MRPL47: variants seen among roughly 807,000 people sequenced by gnomAD.
MRPL47 encodes the protein mitochondrial ribosomal protein L47.
MRPL47 carries 31 observed loss-of-function variants against 34.0 expected under a neutral mutation model. That is an observed-to-expected ratio of 0.91 (90% CI 0.68 to 1.23). MRPL47 has a LOEUF of 1.23. Ranked by LOEUF, MRPL47 falls within the 50% of genes most tolerant of loss-of-function variation. The probability of loss-of-function intolerance (pLI) is 0.00; values close to 1 mark genes in which losing one functional copy is unlikely to be tolerated. For missense variants in MRPL47, 328 were observed against 285.8 expected (o/e 1.15, Z -1.07); for synonymous variants, 106 against 101.6 (o/e 1.04, Z -0.26).
Position 179,588,995 on chromosome 3 carries a change from T to C in MRPL47, c.630A>G (p.Arg210=), listed in dbSNP as rs924578229. Reference sequence around the variant, plus strand: ...TGCGGGCTCGTTTCTCACGTTCCAGTCTAGAATAAAAAAAGCGTAACAGCA... The same window carrying C: ...TGCGGGCTCGTTTCTCACGTTCCAGCCTAGAATAAAAAAAGCGTAACAGCA... The part of the protein sequence containing the change: ...FALPYVDHFL[R]LEREKRARIK... The change falls in exon 7 of 7, where the codon AGA becomes AGG. Residue 210 remains arginine, a splice_region_variant and synonymous_variant. Transcript: ENST00000476781. 1.3e-6 allele frequency: 2 copies of C among 1,597,672 alleles called. No individual in the cohort carries two copies. Among genetic ancestry groups the C allele is most frequent in the East Asian group, 4.5e-5 (2 of 44,776 alleles).
At chr3:179,596,926 T>C (rs148817663) in intron 4 of MRPL47, among the ~76,000 whole-genome samples, 179 of 152,356 alleles carry the variant, frequency 1.2e-3, no homozygotes, top group Admixed American at 3.6e-3. Flanking sequence ...CAGAACTGTA[T>C]CAATGTTAAT....
intron 1 of MRPL47, among the ~76,000 whole-genome samples, chr3:179,603,024 G>A (rs924010869): frequency 5.9e-5 from 9 of 151,506 alleles, no homozygotes; most frequent in African/African-American, 2.2e-4. Flanking sequence ...CTCCCACCTT[G>A]GCCTCCCAAA....
chr3:179,595,891 C>T (rs1180683871), intron 4 of MRPL47, among the ~76,000 whole-genome samples: 3 of 152,184 alleles, frequency 2.0e-5, no homozygotes, highest in African/African-American at 7.2e-5. Flanking sequence ...ATACACTTCT[C>T]TTTACAGCCA....
chr3:179,593,976 G>A, intron 4 of MRPL47, 81 bp from the exon 5 acceptor site: 1 of 1,304,034 alleles, frequency 7.7e-7, no homozygotes, highest in Non-Finnish European at 1.1e-6. Flanking sequence ...AAACACTTCT[G>A]CTACAGAAAA....
chr3:179,603,740 G>A (rs1032794399), intron 1 of MRPL47, among the ~76,000 whole-genome samples: 1 of 152,010 alleles, frequency 6.6e-6, no homozygotes, highest in South Asian at 2.1e-4. Context: ...AGCTAAGAAT[G>A]GTTTAAAAAT....
chr3:179,598,885 G>A (rs1560019649), intron 3 of MRPL47, 114 bp from the exon 4 acceptor site: 2 of 711,078 alleles, frequency 2.8e-6, no homozygotes, highest in East Asian at 3.1e-5. Flanking sequence ...GAGGCGAGGT[G>A]CTGTGGCTCA....
At chr3:179,600,175 G>A (rs1718894140) in intron 3 of MRPL47, among the ~76,000 whole-genome samples, 1 of 151,360 alleles carries the variant, frequency 6.6e-6, no homozygotes, top group Non-Finnish European at 1.5e-5. Context: ...TTGCAGCCAT[G>A]ATGAATGTTG....
intron 5 of MRPL47, 87 bp downstream of exon 5, chr3:179,593,678 A>G: frequency 7.6e-7 from 1 of 1,316,972 alleles, no homozygotes; most frequent in Non-Finnish European, 1.0e-6. Flanking sequence ...CATATGGTAC[A>G]AATTTTTTTT....
At chr3:179,596,023 G>A (rs1381422086) in intron 4 of MRPL47, among the ~76,000 whole-genome samples, 5 of 152,012 alleles carry the variant, frequency 3.3e-5, no homozygotes, top group African/African-American at 9.7e-5. Flanking sequence ...AAACACAAGG[G>A]GACTAACATG....
At chr3:179,604,237 A>G (rs1158326823) in intron 1 of MRPL47, among the ~76,000 whole-genome samples, 1 of 152,206 alleles carries the variant, frequency 6.6e-6, no homozygotes, top group African/African-American at 2.4e-5. Context: ...CACCCAGCCC[A>G]AGAGGATGCT....
At position 179,588,680 on chromosome 3, in the gene MRPL47, T is replaced by C; in HGVS notation, c.*192A>G. ...AAGTGGGAATCTCATCTGAACTTTA[T>C]ACCTGATTTTTAGAAGCAAATTAGC... On this transcript the variant is annotated 3_prime_UTR_variant, in exon 7 of 7. Coordinates refer to ENST00000476781, the MANE Select transcript of MRPL47 (RefSeq NM_020409.3). 2.2e-6 allele frequency: 1 copy of C among 451,484 alleles called. No individual in the cohort carries two copies. Among genetic ancestry groups the C allele is most frequent in the South Asian group, 4.0e-5 (1 of 25,280 alleles). 28.0% of individuals were successfully genotyped at this position (451,484 alleles called of 1,614,324 possible). A position where few individuals can be genotyped will look rare whatever the true frequency, so the allele number is the denominator to read the frequency against.
intron 2 of MRPL47, among the ~76,000 whole-genome samples, chr3:179,602,152 C>T (rs1345694012): frequency 2.0e-5 from 3 of 152,160 alleles, no homozygotes; most frequent in South Asian, 2.1e-4. Context: ...CAAGACCAGC[C>T]TAACCAAGAT....
At position 179,604,615 on chromosome 3, in the gene MRPL47, C is replaced by A. The variant is rs1301257965; in HGVS notation, c.10G>T (p.Ala4Ser). ...CTCCTACAAAGAAGGGCCAAACCGGCCGCAGCCATGTTTTCGCATAACTGG... is the reference window on the plus strand; with the variant it reads ...CTCCTACAAAGAAGGGCCAAACCGGACGCAGCCATGTTTTCGCATAACTGG... MAAAGLALLCRRVS... is the reference protein window; with the variant it reads MAASGLALLCRRVS... Residue 4 changes from alanine (A) to serine (S), a missense_variant, in exon 1 of 7, where the codon GCC (alanine) becomes TCC (serine). By Grantham distance (99) the Ala-to-Ser change is moderately conservative (BLOSUM62 1). Coordinates refer to ENST00000476781, the MANE Select transcript of MRPL47 (RefSeq NM_020409.3). 2.5e-6 allele frequency: 4 copies of A among 1,614,102 alleles called. No homozygotes were observed. Among genetic ancestry groups the A allele is most frequent in the Admixed American group, 3.3e-5 (2 of 59,996 alleles).
intron 4 of MRPL47, among the ~76,000 whole-genome samples, 166 bp downstream of exon 4, chr3:179,598,509 G>T (rs117147314): frequency 6.6e-6 from 1 of 151,364 alleles, no homozygotes; most frequent in Non-Finnish European, 1.5e-5. Context: ...TTTTAGGGGC[G>T]ATGGAAATGT....
intron 1 of MRPL47, among the ~76,000 whole-genome samples, chr3:179,603,198 T>C (rs994494468): frequency 6.6e-6 from 1 of 152,214 alleles, no homozygotes; most frequent in Non-Finnish European, 1.5e-5. Flanking sequence ...GGGTCCTTCT[T>C]ACATTGCTAA....
At chr3:179,601,637 C>T (rs542299545) in intron 3 of MRPL47, 93 bp downstream of exon 3, 15 of 774,498 alleles carry the variant, frequency 1.9e-5, no homozygotes, top group South Asian at 9.6e-5. Context: ...AATCGCTTTA[C>T]TCAATTTCTT....
In MRPL47 at chr3:179,602,751, A is replaced by G; in HGVS notation, c.145T>C (p.Phe49Leu). 6.2e-7 allele frequency: 1 copy of G among 1,612,174 alleles called. No homozygotes were observed. Among genetic ancestry groups the G allele is most frequent in the South Asian group, 1.1e-5 (1 of 90,608 alleles). Residue 49 changes from phenylalanine to leucine, a missense_variant, in exon 2 of 7, where the codon TTT (phenylalanine) becomes CTT (leucine). By Grantham distance (22) the Phe-to-Leu change is conservative. Coordinates refer to ENST00000476781, the MANE Select transcript of MRPL47 (RefSeq NM_020409.3). Reference protein sequence around the residue: ...LPKSTPNVTSFHQYRLLHTTL... With the variant: ...LPKSTPNVTSLHQYRLLHTTL... ...GTATGAAGTAATCTATATTGGTGAA[A>G]GGATGTCACATTTGGTGTACTCTTA...
At chr3:179,594,078 C>T (rs1335213915) in intron 4 of MRPL47, among the ~76,000 whole-genome samples, 183 bp from the exon 5 acceptor site, 4 of 152,128 alleles carry the variant, frequency 2.6e-5, no homozygotes, top group Non-Finnish European at 5.9e-5. Context: ...TCTAGATTAC[C>T]ACTTTCTGTA....
At chr3:179,601,194 T>C (rs11919601) in intron 3 of MRPL47, among the ~76,000 whole-genome samples, 12,776 of 152,174 alleles carry the variant, frequency 0.084, 1,194 homozygotes, top group African/African-American at 0.22. Flanking sequence ...GGAGGATCAC[T>C]TGAGCCCCAG....
Sources: allele counts gnomAD v4.1 joint callset (sites outside exome capture counted in the v4.1 genomes callset), GRCh38; gene constraint gnomAD v4.1.1; transcripts MANE v1.5; gene names NCBI Gene and HGNC (gene_info 2026-07-23, HGNC 2026-07-21).